The following SHANK2 variants were observed in gnomAD, a reference collection of about 807,000 sequenced individuals.
SHANK2 encodes SH3 and multiple ankyrin repeat domains 2, also known as SH3 and multiple ankyrin repeat domains protein 2.
SHANK2 carries 43 observed loss-of-function variants against 133.7 expected under a neutral mutation model. The observed-to-expected ratio is 0.32, with a 90% CI of 0.25 to 0.41. SHANK2 has a LOEUF of 0.41. SHANK2 is among the 10% of genes least tolerant of loss of function. The probability of loss-of-function intolerance (pLI) is 1.00; values close to 1 mark genes in which losing one functional copy is unlikely to be tolerated. For missense variants in SHANK2, 1,994 were observed against 2,235.8 expected, an observed-to-expected ratio of 0.89 and a Z score of 2.18; for synonymous variants, 1,017 against 952.8, an observed-to-expected ratio of 1.07 and a Z score of -1.24.
chr11:70,671,361 C>T (rs1419671844), intron 15 of SHANK2, among the ~76,000 whole-genome samples: 2 of 152,208 alleles, frequency 1.3e-5, no homozygotes, highest in African/African-American at 4.8e-5. Context: ...ACCAGCGCCA[C>T]GCCCCTGGCC....
At chr11:71,187,007 A>G (rs528742117) in intron 2 of SHANK2, among the ~76,000 whole-genome samples, 1 of 152,358 alleles carries the variant, frequency 6.6e-6, no homozygotes, top group Non-Finnish European at 1.5e-5. Flanking sequence ...CCAAGCGGAA[A>G]GGTCAACAGA....
intron 8 of SHANK2, among the ~76,000 whole-genome samples, chr11:71,079,859 A>AGGGAGGGGAAGGGAAGGAAG (rs1951271601): frequency 2.9e-5 from 1 of 33,978 alleles, no homozygotes; most frequent in Non-Finnish European, 5.5e-5. Flanking sequence ...GGGGAGGGGA[A>AGGGAGGGGAAGGGAAGGAAG]GGGAGGGGAG....
chr11:70,613,243 G>A (rs760665342), intron 17 of SHANK2, among the ~76,000 whole-genome samples: 5 of 151,378 alleles, frequency 3.3e-5, no homozygotes, highest in South Asian at 2.1e-4. Flanking sequence ...TTGCTCTGTC[G>A]CCCAGGCTGG....
intron 17 of SHANK2, among the ~76,000 whole-genome samples, chr11:70,545,933 C>G (rs1344191310): frequency 1.3e-5 from 2 of 152,140 alleles, no homozygotes; most frequent in East Asian, 3.9e-4. Flanking sequence ...CGGGAACATG[C>G]ATCACTTATG....
intron 3 of SHANK2, among the ~76,000 whole-genome samples, chr11:71,128,785 G>A (rs1379548247): frequency 6.6e-5 from 10 of 152,276 alleles, no homozygotes; most frequent in Middle Eastern, 3.4e-3. Context: ...GCTGCCTGAG[G>A]ACAGGGGTTT....
chr11:70,891,377 C>T (rs1949843070), intron 11 of SHANK2, among the ~76,000 whole-genome samples: 2 of 152,098 alleles, frequency 1.3e-5, no homozygotes, highest in African/African-American at 4.8e-5. Flanking sequence ...TGGCGGGCGC[C>T]CGTAGTCCCA....
Position 70,485,304 on chromosome 11 carries a change from G to A in SHANK2, c.4979+10C>T, listed in dbSNP as rs782227275. On this transcript the variant is annotated intron_variant, in intron 25 of 25. Coordinates refer to ENST00000601538, the MANE Select transcript of SHANK2 (RefSeq NM_012309.5). This position sits in a 1 kb window ranked among gnomAD's most constrained non-coding sequence, Gnocchi z 5.8. ...AGAGCGGTGTGCATGTGCACCAACC[G>A]CGGACTTACCTTGGAGCGAGGCTGG... The A allele has an allele frequency of 7.4e-6, 12 of 1,611,908 alleles. No homozygotes were observed. The highest frequency in any genetic ancestry group is 1.0e-5 in the Non-Finnish European group (12 of 1,178,606).
intron 8 of SHANK2, among the ~76,000 whole-genome samples, chr11:71,081,266 G>A (rs1202767941): frequency 6.6e-6 from 1 of 152,184 alleles, no homozygotes; most frequent in Admixed American, 6.5e-5. Context: ...CCAGAACTGT[G>A]AGATAATGAA....
At chr11:70,895,377 T>G (rs1168675047) in intron 11 of SHANK2, 2 of 152,624 alleles carry the variant, frequency 1.3e-5, no homozygotes, top group Non-Finnish European at 1.5e-5. Flanking sequence ...GATGGGGTGA[T>G]GCCATCTTCG....
chr11:70,698,398 C>T (rs1056706710), intron 15 of SHANK2: 6 of 492,102 alleles, frequency 1.2e-5, no homozygotes, highest in South Asian at 4.5e-5. Flanking sequence ...GGCCCACTGC[C>T]GTCATCCTTG....
intron 14 of SHANK2, among the ~76,000 whole-genome samples, chr11:70,777,690 G>T (rs1947396279): frequency 6.6e-6 from 1 of 152,208 alleles, no homozygotes; most frequent in African/African-American, 2.4e-5. Flanking sequence ...CCACAAACAG[G>T]CGTTTACAAA....
chr11:70,658,697 T>G (rs1021228076), intron 17 of SHANK2, among the ~76,000 whole-genome samples: 1 of 152,198 alleles, frequency 6.6e-6, no homozygotes, highest in Admixed American at 6.5e-5. Flanking sequence ...AGCAGAATCA[T>G]AGCATGAACA....
chr11:70,699,585 C>T (rs782782976), intron 14 of SHANK2, among the ~76,000 whole-genome samples: 1 of 152,222 alleles, frequency 6.6e-6, no homozygotes, highest in Non-Finnish European at 1.5e-5. Flanking sequence ...AAACAACCTT[C>T]TCTGTTGTTA....
chr11:70,591,060 G>A (rs781831153), intron 17 of SHANK2, among the ~76,000 whole-genome samples: 10 of 152,224 alleles, frequency 6.6e-5, no homozygotes, highest in Admixed American at 2.6e-4. Context: ...GGAAGGTAGA[G>A]ACCAGGCATG....
intron 1 of SHANK2, among the ~76,000 whole-genome samples, chr11:71,229,758 CAAAAAAGAAA>C (rs1954707831): frequency 3.4e-5 from 2 of 58,196 alleles, no homozygotes; most frequent in South Asian, 1.3e-3. Context: ...GACTCCATCT[CAAAAAAGAAA>C]AAAAAAAAAA....
intron 17 of SHANK2, among the ~76,000 whole-genome samples, chr11:70,577,783 C>T (rs1271118939): frequency 5.9e-5 from 9 of 152,270 alleles, no homozygotes; most frequent in East Asian, 1.9e-4. Context: ...GTTACAGTCC[C>T]GACCCCCACA....
rs147673642 is a variant in SHANK2, at chr11:70,659,549, A to C, written c.2061+279T>G. Among the ~76,000 whole-genome samples the C allele has an allele frequency of 8.5e-5, 13 of 152,282 alleles. No individual in the cohort carries two copies. The East Asian group carries it at 2.1e-3, about 25-fold the overall frequency. ...ATGTCCCCAACATCATGGTGACCAC[A>C]TGCCTCCTCTTTCTACCTTCTACTT... On this transcript the variant is annotated intron_variant, in intron 17 of 25. Coordinates refer to ENST00000601538, the MANE Select transcript of SHANK2 (RefSeq NM_012309.5).
intron 14 of SHANK2, among the ~76,000 whole-genome samples, chr11:70,779,199 G>A (rs1372116740): frequency 6.6e-6 from 1 of 151,730 alleles, no homozygotes; most frequent in African/African-American, 2.4e-5. Flanking sequence ...CGGCTGCTAC[G>A]AAACAGCAGC....
chr11:71,212,110 A>G (rs1555118960), intron 2 of SHANK2, among the ~76,000 whole-genome samples: 1 of 152,162 alleles, frequency 6.6e-6, no homozygotes, highest in African/African-American at 2.4e-5. Context: ...TTCCAAATGA[A>G]CTGATATTAG....
Sources: allele counts gnomAD v4.1 joint callset (sites outside exome capture counted in the v4.1 genomes callset), GRCh38; gene constraint gnomAD v4.1.1; non-coding constraint Gnocchi (gnomAD v3.1); transcripts MANE v1.5; gene names NCBI Gene and HGNC (gene_info 2026-07-23, HGNC 2026-07-21).